The following CCSER1 variants were observed in gnomAD, a reference collection of about 807,000 sequenced individuals.
CCSER1 encodes the protein serine-rich coiled-coil domain-containing protein 1.
Under a neutral mutation model 82.0 loss-of-function variants are expected in CCSER1, and 41 were observed. The observed-to-expected ratio is 0.50, with a 90% confidence interval of 0.39 to 0.65. The LOEUF is 0.65. Among genes scored for constraint, CCSER1 ranks in the 30% least tolerant of loss-of-function variants. The pLI, the probability that CCSER1 is intolerant of heterozygous loss-of-function variation, is 0.00. For missense variants in CCSER1, 1,119 were observed against 1,064.2 expected, an observed-to-expected ratio of 1.05 and a Z score of -0.72; for synonymous variants, 414 against 383.9, an observed-to-expected ratio of 1.08 and a Z score of -0.92.
At chr4:90,788,611 G>C (rs971301975) in intron 7 of CCSER1, among the ~76,000 whole-genome samples, 1 of 152,086 alleles carries the variant, frequency 6.6e-6, no homozygotes, top group South Asian at 2.1e-4. Context: ...TTGTAAAAAG[G>C]CTCACTTCCC....
chr4:90,231,358 C>T lies in CCSER1; in HGVS notation c.-41-76886C>T, dbSNP rs553573560. Reference sequence around the variant, plus strand: ...ATGTAATCCAGCATATAAACAGAACCAAAGACAAAAACCACATGATTATCT... The same window carrying T: ...ATGTAATCCAGCATATAAACAGAACTAAAGACAAAAACCACATGATTATCT... On this transcript the variant is annotated intron_variant, in intron 1 of 10. Transcript: ENST00000509176. Among the ~76,000 whole-genome samples, 22 of 151,800 alleles carry T rather than the reference C, an allele frequency of 1.4e-4. 1 individual carries two copies. Among genetic ancestry groups the T allele is most frequent in the Admixed American group, 1.3e-3 (20 of 15,262 alleles).
intron 3 of CCSER1, among the ~76,000 whole-genome samples, chr4:90,358,636 T>C (rs1744756130): frequency 6.6e-6 from 1 of 152,162 alleles, no homozygotes; most frequent in East Asian, 1.9e-4. Context: ...GTATTTATAA[T>C]ACAAAATATG....
intron 10 of CCSER1, among the ~76,000 whole-genome samples, chr4:91,186,798 T>A (rs1185275573): frequency 6.6e-6 from 1 of 152,212 alleles, no homozygotes. Context: ...CAGGTGCATC[T>A]CCTTAAGGCA....
At chr4:91,260,288 C>T (rs1448422214) in intron 10 of CCSER1, among the ~76,000 whole-genome samples, 2 of 152,184 alleles carry the variant, frequency 1.3e-5, no homozygotes, top group Non-Finnish European at 2.9e-5. Context: ...TCTTCCCATA[C>T]ACCACTTCCC....
At chr4:90,249,769 T>C (rs967265696) in intron 1 of CCSER1, among the ~76,000 whole-genome samples, 3 of 152,192 alleles carry the variant, frequency 2.0e-5, no homozygotes, top group Admixed American at 6.6e-5. Flanking sequence ...ATTTTCACTT[T>C]TTGGTTATTA....
intron 4 of CCSER1, among the ~76,000 whole-genome samples, chr4:90,432,679 T>G (rs2153567483): frequency 6.6e-6 from 1 of 151,980 alleles, no homozygotes. Flanking sequence ...GGCCTGAAAA[T>G]CCCACAATCA....
intron 8 of CCSER1, among the ~76,000 whole-genome samples, chr4:90,855,835 T>A (rs1417203852): frequency 6.6e-6 from 1 of 152,190 alleles, no homozygotes; most frequent in Non-Finnish European, 1.5e-5. Context: ...AGTTTAGCAT[T>A]ATTCACAGTG....
chr4:90,148,587 G>A (rs1230018858), intron 1 of CCSER1, among the ~76,000 whole-genome samples: 5 of 152,142 alleles, frequency 3.3e-5, no homozygotes, highest in Non-Finnish European at 7.4e-5. Flanking sequence ...TTACCTACCT[G>A]CCATAACAAC....
chr4:90,753,667 C>T (rs1749066283), intron 7 of CCSER1, among the ~76,000 whole-genome samples: 1 of 152,106 alleles, frequency 6.6e-6, no homozygotes, highest in African/African-American at 2.4e-5. Flanking sequence ...CCATTTCCCA[C>T]ATGGGAGCCA....
intron 10 of CCSER1, among the ~76,000 whole-genome samples, chr4:91,375,163 G>A (rs1002659659): frequency 2.0e-5 from 3 of 152,184 alleles, no homozygotes; most frequent in African/African-American, 7.2e-5. Context: ...AACATTAACA[G>A]GAGTTTGGAA....
intron 10 of CCSER1, among the ~76,000 whole-genome samples, chr4:91,339,739 A>G (rs540477933): frequency 6.6e-6 from 1 of 152,268 alleles, no homozygotes; most frequent in African/African-American, 2.4e-5. Context: ...ATACATTCCA[A>G]GACCCCCAGT....
chr4:90,479,053 ATTACT>A (rs1765513322), intron 5 of CCSER1, among the ~76,000 whole-genome samples: 1 of 151,738 alleles, frequency 6.6e-6, no homozygotes, highest in Non-Finnish European at 1.5e-5. Context: ...TTTCTTTTAA[ATTACT>A]TTAATTACTA....
At chr4:91,181,601 C>T (rs190376642) in intron 10 of CCSER1, among the ~76,000 whole-genome samples, 2,041 of 152,234 alleles carry the variant, frequency 0.013, 32 homozygotes, top group African/African-American at 0.037. Flanking sequence ...GACCATTTTT[C>T]TCAGATCATC....
chr4:91,224,056 GCTT>G (rs898313824), intron 10 of CCSER1, among the ~76,000 whole-genome samples: 73 of 135,028 alleles, frequency 5.4e-4, no homozygotes, highest in African/African-American at 2.1e-3. Flanking sequence ...GCTCAAAGTG[GCTT>G]TTTTTTTTTT....
At chr4:91,065,850 T>C (rs1720757401) in intron 9 of CCSER1, among the ~76,000 whole-genome samples, 1 of 150,786 alleles carries the variant, frequency 6.6e-6, no homozygotes, top group Admixed American at 6.7e-5. Flanking sequence ...CATATTTGAA[T>C]ATGACTTCTT....
chr4:91,378,950 T>G (rs1314549987), intron 10 of CCSER1, among the ~76,000 whole-genome samples: 2 of 152,228 alleles, frequency 1.3e-5, no homozygotes, highest in African/African-American at 4.8e-5. Context: ...ATTGAGAGTT[T>G]TTAGCATGAA....
chr4:91,153,403 C>G (rs1730460583), intron 10 of CCSER1, among the ~76,000 whole-genome samples: 1 of 151,868 alleles, frequency 6.6e-6, no homozygotes, highest in Non-Finnish European at 1.5e-5. Context: ...TTCTAGTTAG[C>G]CATCGTCTAA....
At chr4:91,447,493 A>G (rs1256251146) in intron 10 of CCSER1, among the ~76,000 whole-genome samples, 2 of 152,060 alleles carry the variant, frequency 1.3e-5, no homozygotes, top group Admixed American at 1.3e-4. Context: ...TTCCTTCTCC[A>G]TGTACCTATC....
At chr4:90,311,105 A>G (rs1735213302) in intron 2 of CCSER1, among the ~76,000 whole-genome samples, 1 of 152,140 alleles carries the variant, frequency 6.6e-6, no homozygotes, top group South Asian at 2.1e-4. Flanking sequence ...TATAGTCCTT[A>G]TAAAAATTTT....
Sources: allele counts gnomAD v4.1 joint callset (sites outside exome capture counted in the v4.1 genomes callset), GRCh38; gene constraint gnomAD v4.1.1; transcripts MANE v1.5; gene names NCBI Gene and HGNC (gene_info 2026-07-23, HGNC 2026-07-21).